SPOCK3: variants seen among roughly 807,000 people sequenced by gnomAD.
SPOCK3 encodes testican-3.
SPOCK3 carries 30 observed loss-of-function variants against 56.6 expected under a neutral mutation model. The observed-to-expected ratio is 0.53, with a 90% CI of 0.40 to 0.72. SPOCK3 has a LOEUF of 0.72. Among genes scored for constraint, SPOCK3 ranks in the 30% least tolerant of loss-of-function variants. The pLI is 0.00. For missense variants in SPOCK3, 527 were observed against 530.0 expected (o/e 0.99, Z 0.06); for synonymous variants, 196 against 183.3 (o/e 1.07, Z -0.56).
intron 3 of SPOCK3, among the ~76,000 whole-genome samples, chr4:167,056,804 G>A (rs886611597): frequency 2.6e-5 from 4 of 152,142 alleles, no homozygotes; most frequent in African/African-American, 4.8e-5. Flanking sequence ...CCAAATCTAC[G>A]CCTGATTGCT....
chr4:167,014,475 G>A (rs945249828), intron 3 of SPOCK3, among the ~76,000 whole-genome samples: 6 of 151,804 alleles, frequency 4.0e-5, no homozygotes, highest in East Asian at 1.9e-4. Context: ...GTGAGACTCC[G>A]TGACATCAAA....
intron 2 of SPOCK3, among the ~76,000 whole-genome samples, chr4:167,071,184 T>C (rs553297284): frequency 2.6e-5 from 4 of 152,118 alleles, no homozygotes; most frequent in East Asian, 3.9e-4. Flanking sequence ...TTAAAATTCA[T>C]TTATGTCAGA....
chr4:166,953,184 T>C (rs1397663577), intron 4 of SPOCK3, among the ~76,000 whole-genome samples: 5 of 148,970 alleles, frequency 3.4e-5, no homozygotes, highest in Non-Finnish European at 6.0e-5. Context: ...CAACCTACTC[T>C]TCTGACAAAG....
chr4:167,030,915 A>G (rs1406236712), intron 3 of SPOCK3, among the ~76,000 whole-genome samples: 1 of 152,080 alleles, frequency 6.6e-6, no homozygotes, highest in Non-Finnish European at 1.5e-5. Flanking sequence ...CAAAAAGCCC[A>G]TAGCCTGAAC....
At chr4:166,780,584 A>G (rs1740053748) in intron 7 of SPOCK3, among the ~76,000 whole-genome samples, 1 of 152,140 alleles carries the variant, frequency 6.6e-6, no homozygotes, top group South Asian at 2.1e-4. Context: ...GATATAGGTG[A>G]GGATCCCTTG....
chr4:167,098,662 G>T (rs1759370634), intron 2 of SPOCK3, among the ~76,000 whole-genome samples: 1 of 149,818 alleles, frequency 6.7e-6, no homozygotes, highest in South Asian at 2.1e-4. Context: ...TTCCAACCTT[G>T]TTTTTTTTTC....
intron 5 of SPOCK3, among the ~76,000 whole-genome samples, chr4:166,909,920 A>C (rs1406709258): frequency 6.6e-6 from 1 of 152,176 alleles, no homozygotes; most frequent in Non-Finnish European, 1.5e-5. Flanking sequence ...ATTTACAAGA[A>C]GGTACTGGCC....
intron 6 of SPOCK3, among the ~76,000 whole-genome samples, chr4:166,814,684 T>C (rs1179471953): frequency 1.3e-5 from 2 of 152,102 alleles, no homozygotes; most frequent in African/African-American, 2.4e-5. Flanking sequence ...GCTGCACTGT[T>C]GGCTTCCCTA....
intron 4 of SPOCK3, among the ~76,000 whole-genome samples, chr4:166,915,749 C>T (rs965048220): frequency 3.3e-5 from 5 of 152,084 alleles, no homozygotes; most frequent in Non-Finnish European, 7.4e-5. Context: ...GAAACTAGAT[C>T]TGGGGAGAGC....
intron 2 of SPOCK3, among the ~76,000 whole-genome samples, chr4:167,153,634 CT>C (rs1377983858): frequency 6.6e-6 from 1 of 152,044 alleles, no homozygotes; most frequent in Non-Finnish European, 1.5e-5. Context: ...ATATCATTAC[CT>C]TAAAAATCTT....
intron 2 of SPOCK3, among the ~76,000 whole-genome samples, chr4:167,101,467 C>A (rs1759640106): frequency 6.6e-6 from 1 of 152,054 alleles, no homozygotes. Context: ...AGCTGCTTGT[C>A]CTCTTCTTCA....
At chr4:166,864,835 G>T (rs943750115) in intron 6 of SPOCK3, among the ~76,000 whole-genome samples, 2 of 152,042 alleles carry the variant, frequency 1.3e-5, no homozygotes, top group African/African-American at 4.8e-5. Context: ...TGGATTCACA[G>T]CCAAATTCTA....
intron 6 of SPOCK3, among the ~76,000 whole-genome samples, chr4:166,824,655 C>G (rs1368316544): frequency 6.6e-6 from 1 of 152,054 alleles, no homozygotes; most frequent in Admixed American, 6.6e-5. Flanking sequence ...GATTCCTGAA[C>G]TAGCAGGGGC....
chr4:167,204,037 T>C (rs1733783857), intron 2 of SPOCK3, among the ~76,000 whole-genome samples: 1 of 152,078 alleles, frequency 6.6e-6, no homozygotes, highest in Non-Finnish European at 1.5e-5. Flanking sequence ...AGCTATAAGA[T>C]TTGGCTTCCT....
chr4:167,215,402 C>G (rs756436986), intron 2 of SPOCK3, among the ~76,000 whole-genome samples: 1 of 151,834 alleles, frequency 6.6e-6, no homozygotes, highest in Non-Finnish European at 1.5e-5. Flanking sequence ...GCTTCAGGGA[C>G]TCATGAAAAA....
intron 2 of SPOCK3, among the ~76,000 whole-genome samples, chr4:167,108,007 A>C (rs906852977): frequency 2.0e-5 from 3 of 151,922 alleles, no homozygotes. Flanking sequence ...CTGAATAGAC[A>C]TTTGCCAAAT....
chr4:166,830,752 A>G (rs954350409), intron 6 of SPOCK3, among the ~76,000 whole-genome samples: 7 of 152,116 alleles, frequency 4.6e-5, no homozygotes, highest in Non-Finnish European at 8.8e-5. Flanking sequence ...CCCGCTCGAA[A>G]AAAAGATCCG....
chr4:166,754,677 A>C lies in SPOCK3; in HGVS notation c.762T>G (p.Phe254Leu). ...PICKDSLGWM[F>L]NRLDTNYDLL... Reference sequence around the variant, plus strand: ...GGTCATAGTTTGTATCAAGTCTGTTAAACATCCAGCCAAGTGAGTCCTTGC... The same window carrying C: ...GGTCATAGTTTGTATCAAGTCTGTTCAACATCCAGCCAAGTGAGTCCTTGC... The change falls in exon 8 of 11, where the codon TTT (phenylalanine) becomes TTG (leucine). Residue 254 changes from phenylalanine to leucine, a missense_variant. Physicochemically the swap from Phe to Leu is conservative, Grantham distance 22. Transcript: ENST00000357545. 6.2e-7 allele frequency: 1 copy of C among 1,613,744 alleles called. No homozygotes were observed. The highest frequency in any genetic ancestry group is 8.5e-7 in the Non-Finnish European group (1 of 1,179,758).
At chr4:167,198,510 T>A (rs1477996798) in intron 2 of SPOCK3, among the ~76,000 whole-genome samples, 1 of 152,220 alleles carries the variant, frequency 6.6e-6, no homozygotes, top group East Asian at 1.9e-4. Context: ...GTCAATTAGA[T>A]GTAGAAGTAC....
Sources: allele counts gnomAD v4.1 joint callset (sites outside exome capture counted in the v4.1 genomes callset), GRCh38; gene constraint gnomAD v4.1.1; transcripts MANE v1.5; gene names NCBI Gene and HGNC (gene_info 2026-07-23, HGNC 2026-07-21).